The following L3MBTL4 variants were observed in gnomAD, a reference collection of about 807,000 sequenced individuals.
L3MBTL4 encodes the protein lethal(3)malignant brain tumor-like protein 4.
L3MBTL4 carries 70 observed loss-of-function variants against 84.5 expected under a neutral mutation model. That is an observed-to-expected ratio of 0.83 (90% CI 0.68 to 1.01). The LOEUF (loss-of-function observed/expected upper bound fraction) is 1.01, where lower values mean the gene tolerates loss of function less well. Among genes scored for constraint, L3MBTL4 ranks in the 50% least tolerant of loss-of-function variants. The pLI is 0.00. For synonymous variants in L3MBTL4, 274 were observed against 259.8 expected (o/e 1.05, Z -0.52); for missense variants, 715 against 754.8 (o/e 0.95, Z 0.62).
At chr18:6,011,196 T>G (rs2054719444) in intron 16 of L3MBTL4, among the ~76,000 whole-genome samples, 1 of 152,182 alleles carries the variant, frequency 6.6e-6, no homozygotes, top group South Asian at 2.1e-4. Flanking sequence ...GAAGACTTAA[T>G]TACCACTCTA....
At chr18:6,194,223 C>T (rs1220192498) in intron 12 of L3MBTL4, among the ~76,000 whole-genome samples, 2 of 152,158 alleles carry the variant, frequency 1.3e-5, no homozygotes, top group Non-Finnish European at 2.9e-5. Flanking sequence ...GCACACCTTC[C>T]CACATCGCCA....
At chr18:6,179,026 T>C (rs769687673) in intron 12 of L3MBTL4, among the ~76,000 whole-genome samples, 10 of 152,354 alleles carry the variant, frequency 6.6e-5, no homozygotes, top group African/African-American at 1.4e-4. Context: ...CATCTTCTCA[T>C]TGTTCTTTTG....
chr18:6,054,595 A>G (rs1397887851), intron 16 of L3MBTL4, among the ~76,000 whole-genome samples: 6 of 151,362 alleles, frequency 4.0e-5, no homozygotes, highest in Non-Finnish European at 7.4e-5. Flanking sequence ...GGGCCATGTC[A>G]CTTTCCCAGA....
At chr18:5,995,566 T>C (rs1013713696) in intron 16 of L3MBTL4, among the ~76,000 whole-genome samples, 2 of 152,214 alleles carry the variant, frequency 1.3e-5, no homozygotes, top group African/African-American at 2.4e-5. Context: ...CTCTTTTCTT[T>C]CTGTTTTCAG....
At chr18:6,219,261 T>C (rs959724813) in intron 10 of L3MBTL4, among the ~76,000 whole-genome samples, 1 of 151,854 alleles carries the variant, frequency 6.6e-6, no homozygotes, top group East Asian at 2.0e-4. Context: ...AGCGCATCCA[T>C]GATCCAAGGC....
Position 5,959,410 on chromosome 18 carries a change from T to C in L3MBTL4, c.1677+684A>G, listed in dbSNP as rs529774306. On this transcript the variant is annotated intron_variant, in intron 18 of 18. Coordinates refer to ENST00000317931, the MANE Select transcript of L3MBTL4 (RefSeq NM_001330559.2). ...TGCCTGGCACATGGCAAGCCCCTGATACACAAGCACTGGGATTAGTATGTG... is the reference window on the plus strand; with the variant it reads ...TGCCTGGCACATGGCAAGCCCCTGACACACAAGCACTGGGATTAGTATGTG... Among the ~76,000 whole-genome samples the C allele has an allele frequency of 3.1e-4, 47 of 152,306 alleles. 2 individuals carry two copies. In the South Asian group the frequency reaches 6.8e-3, roughly 22 times the overall value.
Position 5,978,596 on chromosome 18 carries a change from C to T in L3MBTL4, c.1445-9034G>A, listed in dbSNP as rs1044245889. 6.6e-5 allele frequency among the ~76,000 whole-genome samples: 10 copies of T among 152,274 alleles called. No homozygotes were observed. The East Asian group carries it at 1.9e-3, about 29-fold the overall frequency. ...TAGGCATCCTCCTGCCCGGTCACTT[C>T]CTACCCTGCTCTCCACGTGCAGATA... is the stretch of plus-strand genomic sequence containing the variant. On this transcript the variant is annotated intron_variant, in intron 16 of 18. Coordinates refer to ENST00000317931, the MANE Select transcript of L3MBTL4 (RefSeq NM_001330559.2).
At chr18:6,198,175 A>G (rs549025663) in intron 12 of L3MBTL4, among the ~76,000 whole-genome samples, 1 of 152,328 alleles carries the variant, frequency 6.6e-6, no homozygotes, top group African/African-American at 2.4e-5. Context: ...AAAAGGTGAA[A>G]AACACAACTT....
intron 5 of L3MBTL4, among the ~76,000 whole-genome samples, chr18:6,247,635 T>C (rs925831357): frequency 7.3e-5 from 11 of 149,702 alleles, no homozygotes; most frequent in African/African-American, 2.5e-4. Context: ...TAAGCCACCA[T>C]GCCCGGCTAA....
At chr18:6,313,757 G>A (rs1237994082) in intron 1 of L3MBTL4, among the ~76,000 whole-genome samples, 1 of 151,954 alleles carries the variant, frequency 6.6e-6, no homozygotes, top group Non-Finnish European at 1.5e-5. Flanking sequence ...GATAATCCCT[G>A]CAATTATCTC....
intron 4 of L3MBTL4, among the ~76,000 whole-genome samples, chr18:6,285,194 G>C (rs1006539536): frequency 6.6e-6 from 1 of 152,228 alleles, no homozygotes; most frequent in African/African-American, 2.4e-5. Context: ...GGAGGCAGCC[G>C]GATGGTGGAG....
chr18:6,203,861 C>T (rs1353282245), intron 12 of L3MBTL4, among the ~76,000 whole-genome samples: 1 of 152,168 alleles, frequency 6.6e-6, no homozygotes, highest in African/African-American at 2.4e-5. Context: ...CTCTAGAGAG[C>T]CCTACCTGTA....
At chr18:6,399,618 A>C (rs1433516966) in intron 1 of L3MBTL4, 1 of 152,222 alleles carries the variant, frequency 6.6e-6, no homozygotes, top group African/African-American at 2.4e-5. Context: ...CCATCTTCCC[A>C]AAAGCTACCA....
At chr18:6,151,684 C>T (rs1001660277) in intron 13 of L3MBTL4, among the ~76,000 whole-genome samples, 4 of 152,036 alleles carry the variant, frequency 2.6e-5, no homozygotes, top group African/African-American at 7.2e-5. Flanking sequence ...TGTGAGCCAC[C>T]GTGCCCAGAC....
intron 14 of L3MBTL4, among the ~76,000 whole-genome samples, chr18:6,118,560 A>T (rs1183734613): frequency 6.6e-6 from 1 of 152,232 alleles, no homozygotes; most frequent in Non-Finnish European, 1.5e-5. Flanking sequence ...GAAAGAAAAA[A>T]AACTCAGAGA....
At chr18:6,171,983 G>A (rs1242492699) in intron 12 of L3MBTL4, 41 bp from the exon 13 acceptor site, 1 of 939,650 alleles carries the variant, frequency 1.1e-6, no homozygotes, top group East Asian at 2.7e-5. Flanking sequence ...TTAGTAATTA[G>A]GATTTCACTA....
At chr18:6,398,503 G>A (rs140148372) in intron 1 of L3MBTL4, among the ~76,000 whole-genome samples, 15 of 152,296 alleles carry the variant, frequency 9.8e-5, no homozygotes, top group Non-Finnish European at 1.6e-4. Context: ...TCTCTGGGGA[G>A]CTGAGCTCAT....
At chr18:5,971,085 A>T (rs1462952201) in intron 16 of L3MBTL4, among the ~76,000 whole-genome samples, 1 of 152,218 alleles carries the variant, frequency 6.6e-6, no homozygotes, top group African/African-American at 2.4e-5. Context: ...TAGTATGTAA[A>T]TAGGTTATCT....
At chr18:6,259,396 T>A (rs943193806) in intron 5 of L3MBTL4, 3 of 152,340 alleles carry the variant, frequency 2.0e-5, no homozygotes, top group African/African-American at 7.2e-5. Flanking sequence ...TTTGACTTTA[T>A]AATAATAAGC....
Sources: allele counts gnomAD v4.1 joint callset (sites outside exome capture counted in the v4.1 genomes callset), GRCh38; gene constraint gnomAD v4.1.1; transcripts MANE v1.5; gene names NCBI Gene and HGNC (gene_info 2026-07-23, HGNC 2026-07-21).